Variants in DOCK1 observed in about 807,000 individuals in gnomAD.
DOCK1 encodes the protein dedicator of cytokinesis 1.
DOCK1 carries 138 observed loss-of-function variants against 262.7 expected under a neutral mutation model. The observed-to-expected ratio is 0.53, with a 90% CI of 0.46 to 0.61. The LOEUF (loss-of-function observed/expected upper bound fraction) is 0.61, where lower values mean the gene tolerates loss of function less well. Ranked by LOEUF, DOCK1 falls within the 20% of genes least tolerant of loss-of-function variation. The pLI, the probability that DOCK1 is intolerant of heterozygous loss-of-function variation, is 0.00. For missense variants in DOCK1, 1,908 were observed against 2,370.7 expected (o/e 0.80, Z 4.05); for synonymous variants, 866 against 867.4 (o/e 1.00, Z 0.03).
chr10:127,327,761 A>G (rs1006724164), intron 29 of DOCK1, among the ~76,000 whole-genome samples: 1 of 152,188 alleles, frequency 6.6e-6, no homozygotes, highest in Non-Finnish European at 1.5e-5. Context: ...CTCTATAGAC[A>G]CTGAGGCTTC....
chr10:127,426,338 G>A (rs891183957), intron 47 of DOCK1, among the ~76,000 whole-genome samples: 3 of 152,192 alleles, frequency 2.0e-5, no homozygotes, highest in Non-Finnish European at 4.4e-5. Flanking sequence ...AACTCAGCTG[G>A]TTGACAGTGC....
intron 29 of DOCK1, among the ~76,000 whole-genome samples, chr10:127,278,510 T>G (rs2060828238): frequency 6.6e-6 from 1 of 152,172 alleles, no homozygotes. Flanking sequence ...TCTGAGAGAA[T>G]TAAGCAAGGG....
intron 29 of DOCK1, among the ~76,000 whole-genome samples, chr10:127,315,979 G>A (rs1051202453): frequency 6.6e-6 from 1 of 152,020 alleles, no homozygotes; most frequent in African/African-American, 2.4e-5. Context: ...GATTACAGGT[G>A]TGAGCCACTG....
At chr10:127,057,029 A>G (rs2045206751) in intron 22 of DOCK1, among the ~76,000 whole-genome samples, 2 of 151,826 alleles carry the variant, frequency 1.3e-5, no homozygotes, top group Admixed American at 1.3e-4. Flanking sequence ...CATCTGTGCT[A>G]TCACAGGTCT....
chr10:127,391,785 C>T (rs1377977477), intron 38 of DOCK1, among the ~76,000 whole-genome samples: 2 of 152,226 alleles, frequency 1.3e-5, no homozygotes, highest in East Asian at 3.9e-4. Context: ...CTGGGTCTGT[C>T]TGAGATCCCT....
intron 23 of DOCK1, among the ~76,000 whole-genome samples, chr10:127,066,296 G>C (rs991855813): frequency 6.6e-6 from 1 of 152,086 alleles, no homozygotes; most frequent in African/African-American, 2.4e-5. Context: ...CTGTGACTGT[G>C]GTTTCATGAA....
intron 21 of DOCK1, 108 bp from the exon 22 acceptor site, chr10:127,052,573 T>C: frequency 1.3e-6 from 2 of 1,488,154 alleles, no homozygotes; most frequent in Non-Finnish European, 1.8e-6. Context: ...CATATACTGA[T>C]AGATGGAAAC....
At chr10:127,303,630 AAG>A (rs753768337) in intron 29 of DOCK1, among the ~76,000 whole-genome samples, 8 of 143,728 alleles carry the variant, frequency 5.6e-5, no homozygotes, top group Non-Finnish European at 9.1e-5. Flanking sequence ...AGGCCACAGT[AAG>A]AGCATCATTT....
intron 27 of DOCK1, among the ~76,000 whole-genome samples, chr10:127,210,929 T>G (rs2057946032): frequency 6.6e-6 from 1 of 152,264 alleles, no homozygotes; most frequent in Non-Finnish European, 1.5e-5. Flanking sequence ...CCAGCAGCTC[T>G]TGGTATAGGA....
rs963826206 is a variant in DOCK1, at chr10:127,381,461, C to T, written c.3807+93C>T. 5.8e-5 allele frequency: 65 copies of T among 1,128,994 alleles called. No homozygotes were observed. The Middle Eastern group carries it at 8.3e-4, about 14-fold the overall frequency. 69.9% of individuals were successfully genotyped at this position (1,128,994 alleles called of 1,614,324 possible). ...TTTTTCCATGGCAAATTTTAGTAGG[C>T]CTATAACTTAAGGTTTTATGAAATT... On this transcript the variant is annotated intron_variant, in intron 37 of 51. Transcript: ENST00000623213.
intron 27 of DOCK1, among the ~76,000 whole-genome samples, chr10:127,212,407 C>T (rs1201663569): frequency 3.9e-5 from 6 of 152,132 alleles, no homozygotes; most frequent in Admixed American, 1.3e-4. Context: ...ATGCAAGCGT[C>T]GTGAGATCTA....
intron 30 of DOCK1, 39 bp downstream of exon 30, chr10:127,339,123 A>G (rs747573560): frequency 5.8e-5 from 88 of 1,507,950 alleles, no homozygotes; most frequent in Non-Finnish European, 7.4e-5. Context: ...TGGAGAAATC[A>G]TGTTAAAACA....
At chr10:127,451,284 G>C (rs775139763) in intron 51 of DOCK1, 48 bp from the exon 52 acceptor site, 67 of 1,550,744 alleles carry the variant, frequency 4.3e-5, no homozygotes, top group South Asian at 3.8e-4. Flanking sequence ...TGTCTTTTCT[G>C]TCAGGACATC....
intron 27 of DOCK1, among the ~76,000 whole-genome samples, chr10:127,234,893 T>G (rs2058989542): frequency 6.7e-6 from 1 of 149,304 alleles, no homozygotes; most frequent in Non-Finnish European, 1.5e-5. Context: ...ATTTTCTTCT[T>G]TATTTTAAAA....
intron 13 of DOCK1, among the ~76,000 whole-genome samples, chr10:127,022,799 A>G (rs1445518263): frequency 6.6e-6 from 1 of 152,184 alleles, no homozygotes; most frequent in East Asian, 1.9e-4. Flanking sequence ...GCCAGTGGAT[A>G]CTGCGATAGT....
intron 29 of DOCK1, among the ~76,000 whole-genome samples, chr10:127,301,974 A>T (rs886834135): frequency 7.9e-5 from 12 of 151,026 alleles, no homozygotes; most frequent in African/African-American, 2.2e-4. Context: ...AAAAAAATGC[A>T]AGCTTTCGAC....
intron 48 of DOCK1, among the ~76,000 whole-genome samples, chr10:127,433,662 T>G (rs2069456855): frequency 6.6e-6 from 1 of 151,964 alleles, no homozygotes; most frequent in South Asian, 2.1e-4. Context: ...TTGGGTGAGG[T>G]TTTCATCCAA....
At chr10:127,063,079 T>C (rs980249670) in intron 23 of DOCK1, among the ~76,000 whole-genome samples, 1 of 152,244 alleles carries the variant, frequency 6.6e-6, no homozygotes, top group South Asian at 2.1e-4. Context: ...GGCTGACTTA[T>C]TGCAGAAGGA....
chr10:127,018,583 C>A, intron 12 of DOCK1, 127 bp from the exon 13 acceptor site: 3 of 1,464,454 alleles, frequency 2.0e-6, no homozygotes, highest in Non-Finnish European at 2.8e-6. Flanking sequence ...TTCTCATATA[C>A]CCACCTTTTC....
Sources: allele counts gnomAD v4.1 joint callset (sites outside exome capture counted in the v4.1 genomes callset), GRCh38; gene constraint gnomAD v4.1.1; transcripts MANE v1.5; gene names NCBI Gene and HGNC (gene_info 2026-07-23, HGNC 2026-07-21).